The following ABCB5 variants were observed in gnomAD, a reference collection of about 807,000 sequenced individuals.
ABCB5 encodes ATP-binding cassette sub-family B member 5.
A neutral mutation model predicts 144.2 loss-of-function variants in ABCB5; 155 were observed. The observed-to-expected ratio is 1.08, with a 90% CI of 0.94 to 1.23. The LOEUF is 1.23. Among genes scored for constraint, ABCB5 ranks in the 50% most tolerant of loss-of-function variants. ABCB5 has a pLI of 0.00. For missense variants in ABCB5, 1,830 were observed against 1,520.8 expected, an observed-to-expected ratio of 1.20 and a Z score of -3.38; for synonymous variants, 610 against 528.6, an observed-to-expected ratio of 1.15 and a Z score of -2.11.
intron 14 of ABCB5, among the ~76,000 whole-genome samples, chr7:20,664,656 C>A (rs1279694404): frequency 3.9e-5 from 6 of 152,034 alleles, no homozygotes; most frequent in Non-Finnish European, 8.8e-5. Context: ...AGCTATTATG[C>A]CCTTATGGAA....
intron 20 of ABCB5, among the ~76,000 whole-genome samples, chr7:20,715,562 C>T (rs1266636210): frequency 2.6e-5 from 4 of 151,930 alleles, no homozygotes; most frequent in Non-Finnish European, 5.9e-5. Flanking sequence ...GTGCACGCCA[C>T]TGTGCCTGGC....
chr7:20,618,403 T>G (rs1188337841), intron 1 of ABCB5, among the ~76,000 whole-genome samples: 2 of 152,248 alleles, frequency 1.3e-5, no homozygotes, highest in African/African-American at 4.8e-5. Flanking sequence ...TCACCTTTTA[T>G]ATAATTTCAA....
At chr7:20,691,282 C>T (rs1786220018) in intron 16 of ABCB5, among the ~76,000 whole-genome samples, 1 of 138,374 alleles carries the variant, frequency 7.2e-6, no homozygotes, top group South Asian at 2.4e-4. Flanking sequence ...CCTCCCGAAA[C>T]TCAGTGGACT....
chr7:20,657,730 G>T (rs1307228651), intron 13 of ABCB5, among the ~76,000 whole-genome samples: 3 of 152,166 alleles, frequency 2.0e-5, no homozygotes, highest in Non-Finnish European at 4.4e-5. Flanking sequence ...AATACTCATA[G>T]ACTTATATCC....
intron 14 of ABCB5, among the ~76,000 whole-genome samples, chr7:20,670,671 A>G (rs1306934197): frequency 6.6e-6 from 1 of 152,210 alleles, no homozygotes; most frequent in Admixed American, 6.5e-5. Context: ...GCACTTTGGG[A>G]GACCAAGGTG....
chr7:20,636,461 T>C (rs1032199264), intron 5 of ABCB5, among the ~76,000 whole-genome samples: 1 of 152,074 alleles, frequency 6.6e-6, no homozygotes, highest in African/African-American at 2.4e-5. Flanking sequence ...CCATTATTTC[T>C]TTTTTTAAGA....
At chr7:20,743,202 C>G in intron 25 of ABCB5, 128 bp downstream of exon 25, 2 of 981,326 alleles carry the variant, frequency 2.0e-6, no homozygotes, top group Non-Finnish European at 3.0e-6. Context: ...GAAAAAAAAT[C>G]TCTGTGTCAA....
Position 20,739,065 on chromosome 7 carries a change from G to A in ABCB5, c.2950G>A (p.Gly984Arg), listed in dbSNP as rs768921491. Residue 984 changes from glycine to arginine, a missense_variant, in exon 24 of 28, where the codon GGG becomes AGG. Gly to Arg is a moderately radical substitution (Grantham distance 125). Coordinates refer to ENST00000404938, the MANE Select transcript of ABCB5 (RefSeq NM_001163941.2). Reference sequence around the variant, plus strand: ...TCCTGAATATTCCAAAGCCAAATCGGGGGCTGCGCATCTGTTTGCCTTGTT... The same window carrying A: ...TCCTGAATATTCCAAAGCCAAATCGAGGGCTGCGCATCTGTTTGCCTTGTT... ...LAPEYSKAKS[G>R]AAHLFALLEK... The A allele has an allele frequency of 5.0e-6, 8 of 1,612,106 alleles. No homozygotes were observed. Among genetic ancestry groups the A allele is most frequent in the African/African-American group, 4.0e-5 (3 of 74,820 alleles).
rs753417803 is a variant in ABCB5 at position 20,650,098 on chromosome 7, G to C, written c.1283G>C (p.Ser428Thr). Residue 428 changes from serine to threonine, a missense_variant, in exon 12 of 28, where the codon AGT becomes ACT. Ser to Thr is a moderately conservative substitution (Grantham distance 58). Coordinates refer to ENST00000404938, the MANE Select transcript of ABCB5 (RefSeq NM_001163941.2). Reference protein sequence around the residue: ...ALVGLNGSGKSTVVQLLQRLY... With the variant: ...ALVGLNGSGKTTVVQLLQRLY... ...GTCGGTCTCAATGGCAGTGGGAAGA[G>C]TACGGTAGTCCAGCTTCTGCAGAGG... 5 of 1,613,568 alleles carry C rather than the reference G, an allele frequency of 3.1e-6. No homozygotes were observed.
At chr7:20,686,545 C>T (rs112076749) in intron 16 of ABCB5, among the ~76,000 whole-genome samples, 3 of 152,264 alleles carry the variant, frequency 2.0e-5, no homozygotes, top group African/African-American at 4.8e-5. Flanking sequence ...CACACCCTTC[C>T]ATCTTAATCT....
rs185179962 is a variant in ABCB5 at position 20,692,218 on chromosome 7, G to C, written c.2011-6189G>C. On this transcript the variant is annotated intron_variant, in intron 16 of 27. Transcript: ENST00000404938. ...TCAAACTGCTTAAAACCAATGTTAAGGAGAAAACTACTAAAGCATCCAGAG... is the reference window on the plus strand; with the variant it reads ...TCAAACTGCTTAAAACCAATGTTAACGAGAAAACTACTAAAGCATCCAGAG... Among the ~76,000 whole-genome samples the C allele has an allele frequency of 1.4e-3, 215 of 151,988 alleles. 1 individual carries two copies. Among genetic ancestry groups the C allele is most frequent in the African/African-American group, 5.0e-3 (209 of 41,482 alleles).
intron 25 of ABCB5, among the ~76,000 whole-genome samples, 195 bp from the exon 26 acceptor site, chr7:20,745,037 G>A (rs958647103): frequency 6.6e-6 from 1 of 152,174 alleles, no homozygotes; most frequent in Admixed American, 6.5e-5. Context: ...CAGTGGAGGG[G>A]GCAGTAGTGA....
chr7:20,645,631 T>C, intron 7 of ABCB5, 125 bp from the exon 8 acceptor site: 1 of 1,219,010 alleles, frequency 8.2e-7, no homozygotes, highest in Non-Finnish European at 1.1e-6. Context: ...TTTTTAAAAA[T>C]ACAGAGATAA....
intron 22 of ABCB5, among the ~76,000 whole-genome samples, chr7:20,727,398 T>A (rs1044402762): frequency 2.0e-5 from 3 of 152,234 alleles, no homozygotes; most frequent in African/African-American, 7.2e-5. Context: ...TTTTTCTTAT[T>A]TTCCTGAAAG....
At chr7:20,647,897 C>A in intron 10 of ABCB5, 71 bp from the exon 11 acceptor site, 2 of 1,150,938 alleles carry the variant, frequency 1.7e-6, no homozygotes. Flanking sequence ...CATCCTTATA[C>A]TATTTTTAAA....
chr7:20,619,321 C>T (rs1365022590), intron 1 of ABCB5, among the ~76,000 whole-genome samples: 1 of 152,132 alleles, frequency 6.6e-6, no homozygotes, highest in Non-Finnish European at 1.5e-5. Context: ...ATAAGTGTTC[C>T]CTCTTCTCCA....
At chr7:20,740,317 C>A (rs571123219) in intron 24 of ABCB5, among the ~76,000 whole-genome samples, 1 of 152,106 alleles carries the variant, frequency 6.6e-6, no homozygotes, top group African/African-American at 2.4e-5. Flanking sequence ...CTTTTCTAGA[C>A]ATTTTAATTT....
At chr7:20,754,359 A>G (rs1215623046) in intron 27 of ABCB5, among the ~76,000 whole-genome samples, 1 of 152,166 alleles carries the variant, frequency 6.6e-6, no homozygotes, top group Non-Finnish European at 1.5e-5. Context: ...ACAACAACTA[A>G]CTTTTGGGAT....
At chr7:20,739,904 T>C (rs1472253590) in intron 24 of ABCB5, among the ~76,000 whole-genome samples, 1 of 151,960 alleles carries the variant, frequency 6.6e-6, no homozygotes, top group East Asian at 1.9e-4. Context: ...AAATAATAGG[T>C]AGGGTGTATA....
Sources: gnomAD v4.1 joint callset for allele counts (sites outside exome capture counted in the v4.1 genomes callset) on GRCh38, gnomAD v4.1.1 for gene constraint, MANE v1.5 for transcripts, NCBI Gene and HGNC (gene_info 2026-07-23, HGNC 2026-07-21) for gene names.